IFT80: variants seen among roughly 807,000 people sequenced by gnomAD.
IFT80 encodes intraflagellar transport protein 80 homolog.
A neutral mutation model predicts 107.9 loss-of-function variants in IFT80; 79 were observed. That is an observed-to-expected ratio of 0.73 (90% confidence interval 0.61 to 0.88). IFT80 has a LOEUF of 0.88. Ranked by LOEUF, IFT80 falls within the 40% of genes least tolerant of loss-of-function variation. The pLI is 0.00. For missense variants in IFT80, 797 were observed against 914.2 expected, an observed-to-expected ratio of 0.87 and a Z score of 1.65; for synonymous variants, 299 against 300.9, an observed-to-expected ratio of 0.99 and a Z score of 0.07.
intron 8 of IFT80, among the ~76,000 whole-genome samples, chr3:160,331,380 G>T (rs1719078515): frequency 1.3e-5 from 2 of 152,136 alleles, no homozygotes; most frequent in Admixed American, 1.3e-4. Context: ...TAAAACTTAT[G>T]CATTCTTTTC....
intron 9 of IFT80, among the ~76,000 whole-genome samples, chr3:160,318,887 G>A (rs757867008): frequency 4.0e-5 from 6 of 151,894 alleles, no homozygotes; most frequent in Non-Finnish European, 7.4e-5. Flanking sequence ...CCTGAAGCAG[G>A]TCATAAGACT....
chr3:160,374,764 T>C (rs1711867750), intron 5 of IFT80, among the ~76,000 whole-genome samples: 1 of 152,198 alleles, frequency 6.6e-6, no homozygotes. Context: ...TAAAGTAAGA[T>C]TTATGTTCTA....
chr3:160,261,376 A>G (rs958926301), intron 19 of IFT80, among the ~76,000 whole-genome samples: 14 of 151,576 alleles, frequency 9.2e-5, no homozygotes, highest in African/African-American at 2.7e-4. Context: ...GAACAAAAAG[A>G]TAGAAATCAC....
At chr3:160,309,794 C>A (rs890606735) in intron 9 of IFT80, among the ~76,000 whole-genome samples, 9 of 149,920 alleles carry the variant, frequency 6.0e-5, no homozygotes, top group Non-Finnish European at 1.2e-4. Flanking sequence ...AAAAAAAAAA[C>A]AAGAAATCTT....
intron 7 of IFT80, 127 bp from the exon 8 acceptor site, chr3:160,356,277 C>A: frequency 1.3e-6 from 1 of 750,538 alleles, no homozygotes; most frequent in Non-Finnish European, 2.1e-6. Flanking sequence ...GTTTGTCTTC[C>A]AGTAAGGTAG....
In IFT80 at chr3:160,335,645, T is replaced by C. The variant is rs537058797; in HGVS notation, c.778-15706A>G. ...GCATTCTATTTTTCCCTTAGGCAAA[T>C]TTTCTTTTAAGCAACAACTTTATTC... On this transcript the variant is annotated intron_variant, in intron 8 of 19. Transcript: ENST00000326448. Among the ~76,000 whole-genome samples, 4 of 152,322 alleles carry C rather than the reference T, an allele frequency of 2.6e-5. No homozygotes were observed. The South Asian group carries it at 8.3e-4, about 32-fold the overall frequency.
intron 5 of IFT80, among the ~76,000 whole-genome samples, chr3:160,368,294 A>G (rs1722005881): frequency 6.6e-6 from 1 of 150,816 alleles, no homozygotes; most frequent in Non-Finnish European, 1.5e-5. Flanking sequence ...TAATAAAAAC[A>G]CAATTCAATT....
At chr3:160,280,610 A>G (rs1350244770) in intron 15 of IFT80, 57 bp downstream of exon 15, 1 of 1,436,460 alleles carries the variant, frequency 7.0e-7, no homozygotes, top group Admixed American at 1.7e-5. Context: ...CCAAAACATG[A>G]TACTCTATTA....
intron 13 of IFT80, among the ~76,000 whole-genome samples, chr3:160,284,845 G>C (rs1168202380): frequency 6.6e-6 from 1 of 152,100 alleles, no homozygotes; most frequent in Non-Finnish European, 1.5e-5. Flanking sequence ...TTGTAAAGGG[G>C]AGGAAGAGAA....
chr3:160,300,271 T>C (rs1282837898), intron 12 of IFT80, among the ~76,000 whole-genome samples: 2 of 152,170 alleles, frequency 1.3e-5, no homozygotes, highest in East Asian at 1.9e-4. Flanking sequence ...AGTTGCCACA[T>C]AGTAAGCACT....
chr3:160,375,752 T>G, intron 5 of IFT80, 60 bp downstream of exon 5: 6 of 1,168,016 alleles, frequency 5.1e-6, no homozygotes, highest in Non-Finnish European at 6.4e-6. Context: ...AAAGGAAAAC[T>G]TTAAGGCATT....
At chr3:160,341,507 G>A (rs1268025046) in intron 8 of IFT80, among the ~76,000 whole-genome samples, 1 of 152,006 alleles carries the variant, frequency 6.6e-6, no homozygotes, top group Non-Finnish European at 1.5e-5. Flanking sequence ...TACCAAAATA[G>A]GTGCACCTAC....
chr3:160,349,894 A>G (rs923165063), intron 8 of IFT80, among the ~76,000 whole-genome samples: 3 of 152,152 alleles, frequency 2.0e-5, no homozygotes, highest in African/African-American at 7.2e-5. Context: ...TGGTAAGAAG[A>G]AAAGGTGAAG....
At chr3:160,342,981 G>C (rs1720025834) in intron 8 of IFT80, 1 of 155,178 alleles carries the variant, frequency 6.4e-6, no homozygotes, top group African/African-American at 2.4e-5. Flanking sequence ...ACTGGACACA[G>C]AATCTGTGTG....
At chr3:160,259,016 G>A (rs889924085) in intron 19 of IFT80, among the ~76,000 whole-genome samples, 1 of 152,046 alleles carries the variant, frequency 6.6e-6, no homozygotes, top group Non-Finnish European at 1.5e-5. Flanking sequence ...GCTAAGGTGG[G>A]AGAATCAACT....
chr3:160,388,993 C>T (rs7611130), intron 1 of IFT80, among the ~76,000 whole-genome samples: 80,378 of 152,108 alleles, frequency 0.53, 21,726 homozygotes, highest in African/African-American at 0.57. Context: ...ACCTTGATAT[C>T]AACATAACCC....
chr3:160,396,784 T>C (rs527996084), intron 1 of IFT80, among the ~76,000 whole-genome samples: 1 of 152,306 alleles, frequency 6.6e-6, no homozygotes, highest in South Asian at 2.1e-4. Context: ...ATGTCCAAAA[T>C]ATTGGCAACA....
intron 6 of IFT80, among the ~76,000 whole-genome samples, chr3:160,359,271 C>A (rs1721320986): frequency 6.6e-6 from 1 of 152,144 alleles, no homozygotes; most frequent in Admixed American, 6.6e-5. Context: ...TTCTACTGAA[C>A]CACTAAGCCA....
At chr3:160,365,246 C>A (rs1721787324) in intron 6 of IFT80, among the ~76,000 whole-genome samples, 1 of 152,018 alleles carries the variant, frequency 6.6e-6, no homozygotes. Flanking sequence ...TCTTGCATGT[C>A]CCTATAGTTC....
Sources: allele counts gnomAD v4.1 joint callset (sites outside exome capture counted in the v4.1 genomes callset), GRCh38; gene constraint gnomAD v4.1.1; transcripts MANE v1.5; gene names NCBI Gene and HGNC (gene_info 2026-07-23, HGNC 2026-07-21).